RADX: variants seen among roughly 807,000 people sequenced by gnomAD.
RADX encodes RPA1 related single stranded DNA binding protein, X-linked.
Under a neutral mutation model 61.6 loss-of-function variants are expected in RADX, and 36 were observed. That is an observed-to-expected ratio of 0.58 (90% CI 0.45 to 0.77). The LOEUF is 0.77. Ranked by LOEUF, RADX falls within the 30% of genes least tolerant of loss-of-function variation. The pLI is 0.00. For missense variants in RADX, 497 were observed against 651.1 expected (o/e 0.76, Z 2.58); for synonymous variants, 272 against 237.9 (o/e 1.14, Z -1.32).
At chrX:106,626,812 A>G (rs946612190) in intron 3 of RADX, among the ~76,000 whole-genome samples, 2 of 111,705 alleles carry the variant, frequency 1.8e-5, no homozygotes, top group African/African-American at 6.5e-5. Context: ...CTTCTTATTA[A>G]TGTTAGCAGC....
chrX:106,673,276 C>T (rs919912393), intron 13 of RADX, among the ~76,000 whole-genome samples: 7 of 111,054 alleles, frequency 6.3e-5, no homozygotes, highest in Non-Finnish European at 1.1e-4. Flanking sequence ...CACCCAAGAT[C>T]CTTGACATAG....
intron 12 of RADX, among the ~76,000 whole-genome samples, chrX:106,668,023 G>T (rs1471216135): frequency 1.8e-5 from 2 of 111,572 alleles, no homozygotes; most frequent in African/African-American, 6.5e-5. Context: ...TAGAATTCTT[G>T]GAAAATTCTA....
At position 106,678,584 on chromosome X, in the gene RADX, G is replaced by A. The variant is rs958466971; in HGVS notation, c.*326G>A. 1.6e-5 allele frequency: 2 copies of A among 128,014 alleles called. No individual in the cohort carries two copies. The highest frequency in any genetic ancestry group is 6.4e-5 in the African/African-American group (2 of 31,360). 10.5% of individuals were successfully genotyped at this position (128,014 alleles called of 1,213,427 possible). A position where few individuals can be genotyped will look rare whatever the true frequency, so the allele number is the denominator to read the frequency against. Reference sequence around the variant, plus strand: ...AGTGTACTTTCATTCTAAAGCCTCAGTATAAGGCATCCTAACTTACAAGAG... The same window carrying A: ...AGTGTACTTTCATTCTAAAGCCTCAATATAAGGCATCCTAACTTACAAGAG... On this transcript the variant is annotated 3_prime_UTR_variant, in exon 14 of 14. Transcript: ENST00000372548.
At chrX:106,668,192 AC>A (rs374674752) in intron 12 of RADX, among the ~76,000 whole-genome samples, 9 of 112,284 alleles carry the variant, frequency 8.0e-5, no homozygotes, top group African/African-American at 2.9e-4. Flanking sequence ...TTGCAGCTTA[AC>A]GAGAAGGATT....
chrX:106,640,728 C>G lies in RADX; in HGVS notation c.1904+7C>G, dbSNP rs1316876474. On this transcript the variant is annotated splice_region_variant and intron_variant, in intron 10 of 13. Coordinates refer to ENST00000372548, the MANE Select transcript of RADX (RefSeq NM_018015.6). ...AAGGCCCACACGCTAATCCGTAAGT[C>G]ATTTGTATTAAGTATATGTAAAGTA... 1 of 1,141,236 alleles carries G rather than the reference C, an allele frequency of 8.8e-7. No individual in the cohort carries two copies. Among genetic ancestry groups the G allele is most frequent in the Admixed American group, 2.4e-5 (1 of 41,283 alleles). 94.1% of individuals were successfully genotyped at this position (1,141,236 alleles called of 1,213,427 possible).
rs151247663 is a variant in RADX, at chrX:106,622,692, A to T, written c.685A>T (p.Thr229Ser). The part of the protein sequence containing the change: ...ISLSHLEMTW[T>S]NRRNFPALLV... ...CCTTTCTCATCTTGAAATGACCTGG[A>T]CTAACAGAAGAAATTTTCCTGCATT... Residue 229 changes from threonine (T) to serine (S), a missense_variant, in exon 2 of 14, where the codon ACT becomes TCT. This residue lies in a region of RADX where 196 missense variants were observed against 315.0 expected (regional missense o/e 0.62). Transcript: ENST00000372548. The T allele has an allele frequency of 3.1e-5, 36 of 1,177,195 alleles. No individual in the cohort carries two copies. Among genetic ancestry groups the T allele is most frequent in the Non-Finnish European group, 4.0e-5 (35 of 870,434 alleles).
At position 106,640,696 on chromosome X, in the gene RADX, A is replaced by G; in HGVS notation, c.1879A>G (p.Ile627Val). The G allele has an allele frequency of 8.4e-7, 1 of 1,194,287 alleles. No individual in the cohort carries two copies. The highest frequency in any genetic ancestry group is 1.1e-6 in the Non-Finnish European group (1 of 884,683). ...TTTAAGTCTGAGCAATAAAATAAGA[A>G]TTCTTCAAGGCCCACACGCTAATCC... is the stretch of plus-strand genomic sequence containing the variant. ...TNLSLSNKIR[I>V]LQGPHANPVA... The change falls in exon 10 of 14, where the codon ATT becomes GTT. Residue 627 changes from isoleucine (I) to valine (V), a missense_variant. Physicochemically the swap from Ile to Val is conservative, Grantham distance 29 (BLOSUM62 3). Transcript: ENST00000372548.
chrX:106,662,252 T>C lies in RADX; in HGVS notation c.2216T>C (p.Leu739Pro). The C allele has an allele frequency of 8.3e-7, 1 of 1,210,907 alleles. No individual in the cohort carries two copies. Among genetic ancestry groups the C allele is most frequent in the Non-Finnish European group, 1.1e-6 (1 of 894,982 alleles). ...CCACCAGAAGGAAGGCCCCCAAAACTTGATGATTTTAAGAGCGCCCGAAGC... is the reference window on the plus strand; with the variant it reads ...CCACCAGAAGGAAGGCCCCCAAAACCTGATGATTTTAAGAGCGCCCGAAGC... ...YVPPEGRPPK[L>P]DDFKSARSLG... Residue 739 changes from leucine (L) to proline (P), a missense_variant, in exon 12 of 14, where the codon CTT (leucine) becomes CCT (proline). This residue lies in a region of RADX where 267 missense variants were observed against 306.9 expected (regional missense o/e 0.87). Transcript: ENST00000372548.
intron 11 of RADX, among the ~76,000 whole-genome samples, chrX:106,656,381 C>T (rs970654442): frequency 8.9e-6 from 1 of 111,852 alleles, no homozygotes; most frequent in African/African-American, 3.2e-5. Flanking sequence ...TTCTTCTAAA[C>T]TCCTGTTCAT....
intron 1 of RADX, among the ~76,000 whole-genome samples, chrX:106,613,483 G>A (rs1390392466): frequency 1.8e-5 from 2 of 111,664 alleles, no homozygotes; most frequent in Non-Finnish European, 3.8e-5. Context: ...GCATGAACAC[G>A]TTTGAAATGG....
rs1300013969 is a variant in RADX at position 106,678,255 on chromosome X, T to G, written c.2565T>G (p.Ser855=). Residue 855 remains serine, a synonymous_variant, in exon 14 of 14, where the codon TCT becomes TCG. Transcript: ENST00000372548. ...AGATTTATAGTCCAGAGAATACTTC[T>G]TAAAAGTTAGCAAATGAAATTATTA... is the stretch of plus-strand genomic sequence containing the variant. ...LHKIYSPENT[S] is the part of the protein sequence containing the mutation. 1.7e-6 allele frequency: 2 copies of G among 1,144,018 alleles called. No individual in the cohort carries two copies. Among genetic ancestry groups the G allele is most frequent in the Non-Finnish European group, 2.4e-6 (2 of 838,836 alleles). 94.3% of individuals were successfully genotyped at this position (1,144,018 alleles called of 1,213,427 possible). A position where few individuals can be genotyped will look rare whatever the true frequency, so the allele number is the denominator to read the frequency against.
intron 1 of RADX, among the ~76,000 whole-genome samples, chrX:106,619,156 A>G (rs1475940244): frequency 9.0e-6 from 1 of 110,531 alleles, no homozygotes; most frequent in Admixed American, 9.6e-5. Context: ...AAAAAATTTT[A>G]TGGGTACATA....
At chrX:106,653,976 G>A (rs1379327750) in intron 11 of RADX, among the ~76,000 whole-genome samples, 2 of 111,759 alleles carry the variant, frequency 1.8e-5, no homozygotes. Flanking sequence ...TTGCTATTGT[G>A]AACAGTGCCT....
In RADX at chrX:106,669,295, G is replaced by C; in HGVS notation, c.2402G>C (p.Gly801Ala). ...YSCAYPQDTT[G>A]NDRLPGPRAV... Reference sequence around the variant, plus strand: ...TGTGCATATCCACAGGACACAACTGGAAATGACCGATTGCCAGGTCCAAGA... The same window carrying C: ...TGTGCATATCCACAGGACACAACTGCAAATGACCGATTGCCAGGTCCAAGA... The change falls in exon 13 of 14, where the codon GGA becomes GCA. Residue 801 changes from glycine (G) to alanine (A), a missense_variant. Transcript: ENST00000372548. 8.3e-7 allele frequency: 1 copy of C among 1,203,707 alleles called. No homozygotes were observed. The highest frequency in any genetic ancestry group is 1.1e-6 in the Non-Finnish European group (1 of 890,841).
At chrX:106,621,199 T>G (rs1434034866) in intron 1 of RADX, among the ~76,000 whole-genome samples, 1 of 112,237 alleles carries the variant, frequency 8.9e-6, no homozygotes, top group Non-Finnish European at 1.9e-5. Flanking sequence ...TGTTAGGACC[T>G]GTGATCCTGG....
chrX:106,624,236 C>T (rs763531658), intron 2 of RADX, among the ~76,000 whole-genome samples: 10 of 111,655 alleles, frequency 9.0e-5, no homozygotes, highest in Non-Finnish European at 1.9e-4. Context: ...TGCCTAGTCA[C>T]TGGGAGAATC....
At chrX:106,631,958 C>T (rs1927245755) in intron 3 of RADX, among the ~76,000 whole-genome samples, 1 of 111,299 alleles carries the variant, frequency 9.0e-6, no homozygotes, top group Non-Finnish European at 1.9e-5. Flanking sequence ...CAAATAGGCT[C>T]ATTACTTAAA....
Position 106,632,748 on chromosome X carries a change from T to A in RADX, c.1088+15T>A, listed in dbSNP as rs753842180. The A allele has an allele frequency of 1.0e-5, 11 of 1,085,211 alleles. No homozygotes were observed. The highest frequency in any genetic ancestry group is 2.5e-4 in the Middle Eastern group (1 of 3,955). 89.4% of individuals were successfully genotyped at this position (1,085,211 alleles called of 1,213,427 possible). On this transcript the variant is annotated intron_variant, in intron 4 of 13. Coordinates refer to ENST00000372548, the MANE Select transcript of RADX (RefSeq NM_018015.6). ...TTTACCACAAGGTAAAATAGTTTCTTGTAAAATGTCTTAAATATTAATCTT... is the reference window on the plus strand; with the variant it reads ...TTTACCACAAGGTAAAATAGTTTCTAGTAAAATGTCTTAAATATTAATCTT...
chrX:106,616,329 T>C (rs1414476814), intron 1 of RADX, among the ~76,000 whole-genome samples: 1 of 111,600 alleles, frequency 9.0e-6, no homozygotes, highest in Non-Finnish European at 1.9e-5. Flanking sequence ...TTGCCAGAAG[T>C]TTATTAGTCT....
Sources: allele counts gnomAD v4.1 joint callset (sites outside exome capture counted in the v4.1 genomes callset), GRCh38; gene constraint gnomAD v4.1.1; regional missense constraint gnomAD v4.1.1; transcripts MANE v1.5; gene names NCBI Gene and HGNC (gene_info 2026-07-23, HGNC 2026-07-21).